NCAM1: variants seen among roughly 807,000 people sequenced by gnomAD.
The protein encoded by NCAM1 is antigen recognized by monoclonal antibody 5.1H11.
In NCAM1, 14 loss-of-function variants were observed where a neutral mutation model predicts 109.8. That is an observed-to-expected ratio of 0.13 (90% CI 0.08 to 0.20). The LOEUF (loss-of-function observed/expected upper bound fraction) is 0.20, where lower values mean the gene tolerates loss of function less well. Among genes scored for constraint, NCAM1 ranks in the 10% least tolerant of loss-of-function variants. The pLI, the probability that NCAM1 is intolerant of heterozygous loss-of-function variation, is 1.00. For missense variants in NCAM1, 774 were observed against 1,109.9 expected (o/e 0.70, Z 4.30); for synonymous variants, 418 against 442.9 (o/e 0.94, Z 0.70).
chr11:113,200,888 G>A (rs782114986), intron 1 of NCAM1, among the ~76,000 whole-genome samples: 9 of 152,146 alleles, frequency 5.9e-5, no homozygotes, highest in Admixed American at 3.9e-4. Flanking sequence ...TCAGGGAGCC[G>A]GCAGTGGTGG....
chr11:113,187,502 C>T (rs1943543008), intron 1 of NCAM1, among the ~76,000 whole-genome samples: 1 of 151,498 alleles, frequency 6.6e-6, no homozygotes, highest in African/African-American at 2.4e-5. Flanking sequence ...AACTCACAGT[C>T]CAGTGAGTTT....
chr11:113,041,987 T>C (rs1373790960), intron 1 of NCAM1, among the ~76,000 whole-genome samples: 5 of 152,214 alleles, frequency 3.3e-5, no homozygotes, highest in Non-Finnish European at 7.3e-5. Context: ...TTCTTTCTAA[T>C]TTCATGGAAA....
chr11:113,182,714 G>A (rs1192675756), intron 1 of NCAM1, among the ~76,000 whole-genome samples: 1 of 152,206 alleles, frequency 6.6e-6, no homozygotes, highest in Non-Finnish European at 1.5e-5. Context: ...TGTCTGGTTT[G>A]GACTAGAACT....
intron 1 of NCAM1, among the ~76,000 whole-genome samples, chr11:113,090,319 A>G (rs868989342): frequency 1.3e-5 from 2 of 152,360 alleles, no homozygotes; most frequent in African/African-American, 4.8e-5. Context: ...TAATGGGATC[A>G]AGACAAATAC....
At chr11:113,085,557 T>G (rs1169092654) in intron 1 of NCAM1, among the ~76,000 whole-genome samples, 2 of 152,234 alleles carry the variant, frequency 1.3e-5, no homozygotes, top group African/African-American at 4.8e-5. Flanking sequence ...AACTAGGTGA[T>G]TGGGGAATCT....
At chr11:113,025,684 C>T (rs548007399) in intron 1 of NCAM1, among the ~76,000 whole-genome samples, 1 of 150,228 alleles carries the variant, frequency 6.7e-6, no homozygotes, top group Admixed American at 6.7e-5. Flanking sequence ...CACCACTGCA[C>T]TCCAGCCTGG....
chr11:113,027,704 A>C (rs987787028), intron 1 of NCAM1, among the ~76,000 whole-genome samples: 4 of 152,224 alleles, frequency 2.6e-5, no homozygotes, highest in African/African-American at 4.8e-5. Flanking sequence ...CTAGGAAATT[A>C]TAAGATGAGA....
In NCAM1 at chr11:113,201,706, C is replaced by A. The variant is rs149587100; in HGVS notation, c.53-673C>A. On this transcript the variant is annotated intron_variant, in intron 1 of 19. Coordinates refer to ENST00000316851, the MANE Select transcript of NCAM1 (RefSeq NM_181351.5). ...TAGCCAAGGGACCCAGGGAATTCCACAGGGCACGGGCTACAGAATTTCCAA... is the reference window on the plus strand; with the variant it reads ...TAGCCAAGGGACCCAGGGAATTCCAAAGGGCACGGGCTACAGAATTTCCAA... 5.3e-5 allele frequency among the ~76,000 whole-genome samples: 8 copies of A among 152,308 alleles called. No individual in the cohort carries two copies. The East Asian group carries it at 1.4e-3, about 26-fold the overall frequency.
intron 14 of NCAM1, among the ~76,000 whole-genome samples, chr11:113,239,160 T>C (rs1945255971): frequency 6.6e-6 from 1 of 152,194 alleles, no homozygotes; most frequent in Admixed American, 6.5e-5. Flanking sequence ...TTCCTTTGTG[T>C]GTAGTTCATG....
chr11:113,271,665 A>C, intron 18 of NCAM1, 95 bp from the exon 19 acceptor site: 1 of 850,236 alleles, frequency 1.2e-6, no homozygotes. Context: ...CTGGATGCCC[A>C]CCGTGCCAGC....
In NCAM1 at chr11:113,013,197, C is replaced by A. The variant is rs189658194; in HGVS notation, c.52+51533C>A. ...ATACCAGCACTTTGGGAGGCTGAGG[C>A]GGGTGGATCACCTGAGGTTAGGAGT... On this transcript the variant is annotated intron_variant, in intron 1 of 19. Transcript: ENST00000316851. Among the ~76,000 whole-genome samples the A allele has an allele frequency of 1.7e-3, 254 of 145,850 alleles. 4 individuals carry two copies. The highest frequency in any genetic ancestry group is 2.5e-3 in the Non-Finnish European group (162 of 65,582).
At chr11:113,270,462 C>T in intron 18 of NCAM1, 67 bp downstream of exon 18, 1 of 1,461,874 alleles carries the variant, frequency 6.8e-7, no homozygotes, top group Non-Finnish European at 9.5e-7. Flanking sequence ...CCAGCAGCTG[C>T]ACCACCCTGC....
intron 19 of NCAM1, 65 bp downstream of exon 19, chr11:113,271,941 A>ACC: frequency 8.3e-7 from 1 of 1,202,462 alleles, no homozygotes; most frequent in Non-Finnish European, 1.1e-6. Context: ...TCCCCACCCT[A>ACC]CCCCCACCTC....
intron 1 of NCAM1, among the ~76,000 whole-genome samples, chr11:112,993,696 TTA>T (rs1265177598): frequency 6.6e-6 from 1 of 152,210 alleles, no homozygotes; most frequent in African/African-American, 2.4e-5. Flanking sequence ...TTATCAGTGA[TTA>T]TAGTTTAAAA....
chr11:112,971,194 A>G (rs1480922814), intron 1 of NCAM1, among the ~76,000 whole-genome samples: 1 of 152,020 alleles, frequency 6.6e-6, no homozygotes, highest in Non-Finnish European at 1.5e-5. Context: ...TGTGTTTTAT[A>G]TAAGGGTAAG....
At chr11:113,217,705 T>G (rs1555114598) in intron 8 of NCAM1, among the ~76,000 whole-genome samples, 1 of 152,234 alleles carries the variant, frequency 6.6e-6, no homozygotes, top group Non-Finnish European at 1.5e-5. Flanking sequence ...TCCCCTATCC[T>G]GTTCTTATGC....
At chr11:113,255,788 A>G in intron 15 of NCAM1, 89 bp from the exon 16 acceptor site, 1 of 1,440,624 alleles carries the variant, frequency 6.9e-7, no homozygotes, top group South Asian at 1.3e-5. Context: ...AAAAGTGTCC[A>G]GCCCCACCCT....
At chr11:113,082,672 G>A (rs1362479296) in intron 1 of NCAM1, among the ~76,000 whole-genome samples, 2 of 152,212 alleles carry the variant, frequency 1.3e-5, no homozygotes, top group African/African-American at 2.4e-5. Context: ...GAAGGGTCTG[G>A]ACGCTCTGAG....
At chr11:113,106,486 T>TTG (rs1940171501) in intron 1 of NCAM1, among the ~76,000 whole-genome samples, 1 of 152,190 alleles carries the variant, frequency 6.6e-6, no homozygotes, top group African/African-American at 2.4e-5. Context: ...AACAGTTGAG[T>TTG]TGTCTCCCAT....
Sources: gnomAD v4.1 joint callset for allele counts (sites outside exome capture counted in the v4.1 genomes callset) on GRCh38, gnomAD v4.1.1 for gene constraint, MANE v1.5 for transcripts, NCBI Gene and HGNC (gene_info 2026-07-23, HGNC 2026-07-21) for gene names.